Variants in CYRIB observed in about 807,000 individuals in gnomAD.
CYRIB encodes the protein CYFIP-related Rac1 interactor B.
A neutral mutation model predicts 44.2 loss-of-function variants in CYRIB; 8 were observed. The ratio of observed to expected loss-of-function variants is 0.18; its 90% CI spans 0.11 to 0.33. The LOEUF is 0.33. CYRIB is among the 10% of genes least tolerant of loss of function. The pLI, the probability that CYRIB is intolerant of heterozygous loss-of-function variation, is 1.00. For missense variants in CYRIB, 185 were observed against 382.8 expected (o/e 0.48, Z 4.31); for synonymous variants, 131 against 127.2 (o/e 1.03, Z -0.20).
At chr8:129,890,291 T>C (rs975117041) in intron 2 of CYRIB, among the ~76,000 whole-genome samples, 21 of 152,184 alleles carry the variant, frequency 1.4e-4, no homozygotes, top group Admixed American at 2.6e-4. Flanking sequence ...AACTTCATTT[T>C]TGTCTTATTT....
intron 1 of CYRIB, among the ~76,000 whole-genome samples, chr8:129,917,150 G>C (rs2081168339): frequency 6.6e-6 from 1 of 152,188 alleles, no homozygotes; most frequent in Admixed American, 6.5e-5. Context: ...CTAGGTTCTA[G>C]AAACACCAAA....
intron 8 of CYRIB, chr8:129,851,905 G>A: frequency 5.7e-6 from 2 of 351,046 alleles, no homozygotes; most frequent in East Asian, 4.3e-5. Context: ...GAAAGGGCAG[G>A]GTTAGAAAAC....
chr8:129,937,539 G>A (rs1252918964), intron 1 of CYRIB, among the ~76,000 whole-genome samples: 1 of 152,174 alleles, frequency 6.6e-6, no homozygotes, highest in Admixed American at 6.5e-5. Context: ...TTTATTCCTG[G>A]AGAGTTCAGA....
chr8:129,901,781 T>C (rs983402490), intron 2 of CYRIB: 1 of 152,236 alleles, frequency 6.6e-6, no homozygotes, highest in African/African-American at 2.4e-5. Flanking sequence ...TGGGTATTTT[T>C]GTATTACAAT....
At chr8:129,917,858 A>G (rs1348980567) in intron 1 of CYRIB, among the ~76,000 whole-genome samples, 1 of 152,204 alleles carries the variant, frequency 6.6e-6, no homozygotes, top group Non-Finnish European at 1.5e-5. Flanking sequence ...CACCATCTCA[A>G]AAAAGAAAAA....
At chr8:129,985,912 A>G (rs2096439057) in intron 1 of CYRIB, among the ~76,000 whole-genome samples, 2 of 152,200 alleles carry the variant, frequency 1.3e-5, no homozygotes, top group Non-Finnish European at 2.9e-5. Flanking sequence ...CTTTCAAACC[A>G]GCCACTTCCC....
chr8:129,892,033 C>A (rs2065652355), intron 2 of CYRIB, among the ~76,000 whole-genome samples: 1 of 152,030 alleles, frequency 6.6e-6, no homozygotes, highest in Non-Finnish European at 1.5e-5. Context: ...ATGATTCCAG[C>A]CATTAAATGT....
intron 1 of CYRIB, among the ~76,000 whole-genome samples, chr8:130,005,768 A>G (rs967988012): frequency 6.6e-6 from 1 of 151,844 alleles, no homozygotes; most frequent in African/African-American, 2.4e-5. Context: ...ACTTGAGCTC[A>G]AGAGTTCAAG....
chr8:129,984,928 C>T lies in CYRIB; in HGVS notation c.-295-13933G>A, dbSNP rs555635565. 2.4e-4 allele frequency among the ~76,000 whole-genome samples: 37 copies of T among 152,320 alleles called. No individual in the cohort carries two copies. In the South Asian group the frequency reaches 4.1e-3, roughly 17 times the overall value. On this transcript the variant is annotated intron_variant, in intron 1 of 14. Coordinates refer to the CYRIB transcript ENST00000401979. Reference sequence around the variant, plus strand: ...TAGCTGGGATTACAGGCATGTACCACCACGCCAGGCTAATTTTGTATTTTT... The same window carrying T: ...TAGCTGGGATTACAGGCATGTACCATCACGCCAGGCTAATTTTGTATTTTT...
intron 1 of CYRIB, among the ~76,000 whole-genome samples, chr8:129,914,628 C>T (rs1380525672): frequency 6.6e-6 from 1 of 152,160 alleles, no homozygotes; most frequent in Non-Finnish European, 1.5e-5. Context: ...AAATAAAACA[C>T]TTTAGTTTTC....
At chr8:129,999,432 C>T (rs930622410) in intron 1 of CYRIB, among the ~76,000 whole-genome samples, 1 of 152,236 alleles carries the variant, frequency 6.6e-6, no homozygotes, top group Non-Finnish European at 1.5e-5. Context: ...TGACACGATG[C>T]AGAGGCAAGG....
At chr8:129,993,609 A>C (rs866114186) in intron 1 of CYRIB, among the ~76,000 whole-genome samples, 14 of 151,980 alleles carry the variant, frequency 9.2e-5, no homozygotes, top group African/African-American at 2.9e-4. Context: ...AGGCAGGAGA[A>C]TCGCTGGAAC....
rs145622351 is a variant in CYRIB at position 129,888,517 on chromosome 8, C to A, written c.-10-9046G>T. ...CACATGCGCATCTAACCACAAAAGC[C>A]TGCTTGCAGTTTCTGCTGCTCAGTA... On this transcript the variant is annotated intron_variant, in intron 2 of 11. Transcript: ENST00000519824. Among the ~76,000 whole-genome samples, 5 of 152,278 alleles carry A rather than the reference C, an allele frequency of 3.3e-5. No homozygotes were observed. The East Asian group carries it at 9.7e-4, about 29-fold the overall frequency.
intron 1 of CYRIB, among the ~76,000 whole-genome samples, chr8:129,988,972 A>C (rs2133195712): frequency 6.6e-6 from 1 of 152,328 alleles, no homozygotes; most frequent in East Asian, 1.9e-4. Flanking sequence ...CCCATTTTAC[A>C]GAAATGGAAA....
At chr8:129,936,773 CT>C (rs1449471665) in intron 1 of CYRIB, among the ~76,000 whole-genome samples, 1 of 138,378 alleles carries the variant, frequency 7.2e-6, no homozygotes, top group African/African-American at 2.7e-5. Context: ...GTGGCGAGAT[CT>C]TGGTTCACTG....
intron 1 of CYRIB, among the ~76,000 whole-genome samples, chr8:129,997,993 C>T (rs1018407510): frequency 9.2e-5 from 14 of 151,718 alleles, no homozygotes; most frequent in African/African-American, 2.9e-4. Context: ...TGATAGTGCA[C>T]GCCTGTAGTC....
At chr8:129,909,733 T>G (rs1312664787) in intron 1 of CYRIB, among the ~76,000 whole-genome samples, 3 of 152,218 alleles carry the variant, frequency 2.0e-5, no homozygotes, top group Non-Finnish European at 4.4e-5. Context: ...TATTATTTTA[T>G]TACACAACCT....
chr8:129,921,746 A>G (rs28533697), intron 1 of CYRIB, among the ~76,000 whole-genome samples: 2,235 of 152,326 alleles, frequency 0.015, 46 homozygotes, highest in African/African-American at 0.047. Flanking sequence ...TAAACTTGTC[A>G]GGTATATATA....
At chr8:129,849,881 C>T (rs2042334920) in intron 9 of CYRIB, 1 of 152,696 alleles carries the variant, frequency 6.5e-6, no homozygotes, top group African/African-American at 2.4e-5. Context: ...TATTTAGGTG[C>T]TAACTTGATC....
Sources: gnomAD v4.1 joint callset for allele counts (sites outside exome capture counted in the v4.1 genomes callset) on GRCh38, gnomAD v4.1.1 for gene constraint, MANE v1.5 for transcripts, NCBI Gene and HGNC (gene_info 2026-07-23, HGNC 2026-07-21) for gene names.